Variants in CDH13 observed in about 807,000 individuals in gnomAD.
CDH13 encodes cadherin-13.
A neutral mutation model predicts 63.8 loss-of-function variants in CDH13; 24 were observed. The observed-to-expected ratio is 0.38, with a 90% CI of 0.27 to 0.53. The LOEUF is 0.53. Ranked by LOEUF, CDH13 falls within the 20% of genes least tolerant of loss-of-function variation. The pLI is 0.85. For missense variants in CDH13, 1,049 were observed against 903.1 expected (o/e 1.16, Z -2.07); for synonymous variants, 503 against 355.3 (o/e 1.42, Z -4.67).
intron 3 of CDH13, among the ~76,000 whole-genome samples, chr16:83,078,108 A>T (rs1265852316): frequency 6.6e-6 from 1 of 152,154 alleles, no homozygotes; most frequent in Non-Finnish European, 1.5e-5. Flanking sequence ...ATACCTGGAG[A>T]CTGCTCACGC....
chr16:82,771,478 C>T (rs1025306220), intron 1 of CDH13, among the ~76,000 whole-genome samples: 2 of 152,278 alleles, frequency 1.3e-5, no homozygotes, highest in South Asian at 2.1e-4. Flanking sequence ...TCTATTCTGC[C>T]GTCAGCATTA....
chr16:82,903,501 C>T (rs1010899880), intron 2 of CDH13, among the ~76,000 whole-genome samples: 2 of 152,204 alleles, frequency 1.3e-5, no homozygotes, highest in Admixed American at 6.5e-5. Context: ...TTTCCTAATT[C>T]TGGCCCTTCC....
chr16:83,509,414 C>T (rs1181453800), intron 7 of CDH13, among the ~76,000 whole-genome samples: 1 of 152,174 alleles, frequency 6.6e-6, no homozygotes, highest in Non-Finnish European at 1.5e-5. Context: ...CTTTGTGGGC[C>T]ATATGGTGGC....
chr16:82,912,672 G>A (rs902857562), intron 2 of CDH13, among the ~76,000 whole-genome samples: 13 of 152,156 alleles, frequency 8.5e-5, no homozygotes, highest in East Asian at 7.7e-4. Context: ...CGCCGGGCGC[G>A]GTGGCTCACG....
intron 7 of CDH13, among the ~76,000 whole-genome samples, chr16:83,508,055 A>AGGAAGGAAGGAAGGAAGGAAGGAAGGAAG (rs1343350266): frequency 2.7e-4 from 16 of 58,296 alleles, no homozygotes; most frequent in African/African-American, 1.2e-3. Flanking sequence ...GAGAAAGAGA[A>AGGAAGGAAGGAAGGAAGGAAGGAAGGAAG]GAAGGAAGGA....
chr16:83,671,475 C>G (rs1914494888), intron 9 of CDH13, among the ~76,000 whole-genome samples: 1 of 152,180 alleles, frequency 6.6e-6, no homozygotes, highest in Non-Finnish European at 1.5e-5. Context: ...TCTCAAACTC[C>G]TGGCCTCAAG....
intron 10 of CDH13, among the ~76,000 whole-genome samples, chr16:83,690,875 C>A (rs1353621433): frequency 6.6e-6 from 1 of 152,020 alleles, no homozygotes; most frequent in Admixed American, 6.6e-5. Flanking sequence ...GCATGCACCA[C>A]CACACCCAGC....
chr16:82,938,657 T>C (rs2042741423), intron 2 of CDH13, among the ~76,000 whole-genome samples: 2 of 152,090 alleles, frequency 1.3e-5, no homozygotes, highest in African/African-American at 2.4e-5. Flanking sequence ...GAGACAAGGA[T>C]GTGAGTGTGT....
intron 6 of CDH13, among the ~76,000 whole-genome samples, chr16:83,470,106 A>C (rs538221690): frequency 6.6e-6 from 1 of 152,264 alleles, no homozygotes; most frequent in East Asian, 1.9e-4. Context: ...GGAGTGAATC[A>C]AAGCCCCTGC....
At chr16:83,443,883 C>G (rs2072577494) in intron 6 of CDH13, among the ~76,000 whole-genome samples, 1 of 146,964 alleles carries the variant, frequency 6.8e-6, no homozygotes, top group South Asian at 2.2e-4. Flanking sequence ...TGCAGTGAGC[C>G]AAGACTGCAC....
chr16:82,983,560 A>G (rs1414887140), intron 2 of CDH13, among the ~76,000 whole-genome samples: 1 of 152,182 alleles, frequency 6.6e-6, no homozygotes, highest in African/African-American at 2.4e-5. Flanking sequence ...TGGCACCAAG[A>G]AGAGAATGTG....
intron 13 of CDH13, among the ~76,000 whole-genome samples, chr16:83,794,373 C>T (rs1386318382): frequency 6.6e-6 from 1 of 151,786 alleles, no homozygotes; most frequent in African/African-American, 2.4e-5. Context: ...GACAACATGG[C>T]GAAACTCCAT....
intron 10 of CDH13, among the ~76,000 whole-genome samples, chr16:83,736,808 C>T (rs1050901893): frequency 1.3e-5 from 2 of 152,150 alleles, no homozygotes; most frequent in African/African-American, 4.8e-5. Flanking sequence ...GTTGGGAGAC[C>T]TTTGGTAAAT....
At chr16:82,858,531 GT>G in intron 2 of CDH13, 58 bp downstream of exon 2, 1 of 1,016,034 alleles carries the variant, frequency 9.8e-7, no homozygotes, top group Non-Finnish European at 1.6e-6. Flanking sequence ...ATTTACTAAT[GT>G]TTATGACTGT....
chr16:83,288,615 G>C (rs1260866321), intron 5 of CDH13, among the ~76,000 whole-genome samples: 1 of 152,192 alleles, frequency 6.6e-6, no homozygotes, highest in Non-Finnish European at 1.5e-5. Flanking sequence ...TCACATGGCA[G>C]AGTTACCAAG....
chr16:83,136,951 C>G (rs2036316457), intron 4 of CDH13, among the ~76,000 whole-genome samples: 1 of 152,198 alleles, frequency 6.6e-6, no homozygotes, highest in Non-Finnish European at 1.5e-5. Flanking sequence ...CAGTTTCAAG[C>G]TAGCAGCTTA....
chr16:83,710,576 G>A (rs1201038047), intron 10 of CDH13: 2 of 151,700 alleles, frequency 1.3e-5, no homozygotes, highest in African/African-American at 2.4e-5. Context: ...GTGTTGCGGG[G>A]AGCTGAAGAA....
chr16:83,012,836 T>G (rs1034463290), intron 2 of CDH13, among the ~76,000 whole-genome samples: 5 of 152,242 alleles, frequency 3.3e-5, no homozygotes, highest in African/African-American at 1.2e-4. Context: ...ATTTAAAAAG[T>G]TAAGCCTCTT....
chr16:82,719,569 G>T (rs2032623861), intron 1 of CDH13: 1 of 387,006 alleles, frequency 2.6e-6, no homozygotes, highest in African/African-American at 2.1e-5. Context: ...AGTTAGGATG[G>T]GCGCAGTGGC....
Sources: allele counts gnomAD v4.1 joint callset (sites outside exome capture counted in the v4.1 genomes callset), GRCh38; gene constraint gnomAD v4.1.1; transcripts MANE v1.5; gene names NCBI Gene and HGNC (gene_info 2026-07-23, HGNC 2026-07-21).